IL1RL1: variants seen among roughly 807,000 people sequenced by gnomAD.
The protein encoded by IL1RL1 is interleukin-1 receptor-like 1.
In IL1RL1, 32 loss-of-function variants were observed where a neutral mutation model predicts 50.9. The observed-to-expected ratio is 0.63, with a 90% CI of 0.47 to 0.84. IL1RL1 has a LOEUF of 0.84. Among genes scored for constraint, IL1RL1 ranks in the 40% least tolerant of loss-of-function variants. The pLI, the probability that IL1RL1 is intolerant of heterozygous loss-of-function variation, is 0.00. For missense variants in IL1RL1, 773 were observed against 662.9 expected (o/e 1.17, Z -1.82); for synonymous variants, 275 against 236.0 (o/e 1.17, Z -1.51).
intron 5 of IL1RL1, chr2:102,341,307 G>A: frequency 8.0e-7 from 1 of 1,245,422 alleles, no homozygotes; most frequent in Non-Finnish European, 1.0e-6. Context: ...ATGTTGTCGA[G>A]TGGTTTTTAA....
intron 8 of IL1RL1, 35 bp from the exon 9 acceptor site, chr2:102,347,910 G>T: frequency 8.1e-7 from 1 of 1,240,976 alleles, no homozygotes. Context: ...TCTTGTTTCA[G>T]TAGTAATAAT....
intron 1 of IL1RL1, among the ~76,000 whole-genome samples, chr2:102,332,078 A>G (rs1010664582): frequency 3.9e-5 from 6 of 152,170 alleles, no homozygotes; most frequent in Admixed American, 3.9e-4. Flanking sequence ...AGAAATAATA[A>G]TAATAATGAT....
chr2:102,336,368 A>G (rs1489999526), intron 1 of IL1RL1, among the ~76,000 whole-genome samples: 2 of 152,178 alleles, frequency 1.3e-5, no homozygotes, highest in Non-Finnish European at 2.9e-5. Context: ...AGGAATTAAT[A>G]CATGTAAATC....
intron 1 of IL1RL1, among the ~76,000 whole-genome samples, chr2:102,334,555 T>C (rs1677259787): frequency 6.6e-6 from 1 of 151,264 alleles, no homozygotes; most frequent in Non-Finnish European, 1.5e-5. Flanking sequence ...AAAAACAGAA[T>C]AAAAATGATA....
At chr2:102,330,252 A>T (rs1337238602) in intron 1 of IL1RL1, among the ~76,000 whole-genome samples, 3 of 151,798 alleles carry the variant, frequency 2.0e-5, no homozygotes, top group Non-Finnish European at 2.9e-5. Flanking sequence ...AAAAAACCGA[A>T]CACCACATGT....
At chr2:102,323,920 T>C (rs1007628363) in intron 1 of IL1RL1, among the ~76,000 whole-genome samples, 1 of 152,136 alleles carries the variant, frequency 6.6e-6, no homozygotes, top group East Asian at 1.9e-4. Context: ...GGCCTTGCAG[T>C]TTGGGAACAT....
intron 1 of IL1RL1, among the ~76,000 whole-genome samples, chr2:102,315,597 G>C (rs187226240): frequency 6.6e-5 from 10 of 152,164 alleles, no homozygotes; most frequent in Admixed American, 3.9e-4. Context: ...GCAAAACCTT[G>C]TCTGATTTGG....
chr2:102,323,082 C>T (rs1196904316), intron 1 of IL1RL1, among the ~76,000 whole-genome samples: 3 of 151,730 alleles, frequency 2.0e-5, no homozygotes, highest in Non-Finnish European at 4.4e-5. Flanking sequence ...AGGATCCATT[C>T]TCCTGTTGAT....
chr2:102,327,288 G>A (rs550157762), intron 1 of IL1RL1, among the ~76,000 whole-genome samples: 13 of 152,020 alleles, frequency 8.6e-5, no homozygotes, highest in African/African-American at 3.1e-4. Context: ...CAGAAATAAA[G>A]ATGTTCTTTG....
chr2:102,311,995 TA>T lies in IL1RL1; in HGVS notation c.-150+374del, dbSNP rs1198086159. 3.6e-3 allele frequency among the ~76,000 whole-genome samples: 118 copies of T among 32,382 alleles called. 1 individual carries two copies. Among genetic ancestry groups the T allele is most frequent in the East Asian group, 0.016 (25 of 1,550 alleles). 21.2% of individuals were successfully genotyped at this position (32,382 alleles called of 152,430 possible). A position where few individuals can be genotyped will look rare whatever the true frequency, so the allele number is the denominator to read the frequency against. On this transcript the variant is annotated intron_variant, in intron 1 of 10. Coordinates refer to ENST00000233954, the MANE Select transcript of IL1RL1 (RefSeq NM_016232.5). ...TATTATATATAATATATATTATATA[TA>T]ATATATTTATATATATTATATATAA...
chr2:102,334,244 T>C (rs1677249783), intron 1 of IL1RL1, among the ~76,000 whole-genome samples: 1 of 152,184 alleles, frequency 6.6e-6, no homozygotes, highest in Non-Finnish European at 1.5e-5. Flanking sequence ...TGCCAACATC[T>C]GCTGTTTTTT....
In IL1RL1 at chr2:102,333,083, C is replaced by T. The variant is rs537423059; in HGVS notation, c.-149-5033C>T. Among the ~76,000 whole-genome samples the T allele has an allele frequency of 7.9e-5, 12 of 152,230 alleles. No individual in the cohort carries two copies. The South Asian group carries it at 2.3e-3, about 29-fold the overall frequency. ...TGTTCCATCGTGTGGTACCTCCCAG[C>T]TTCTGTAAAGACGTTGGCTTTTCCT... On this transcript the variant is annotated intron_variant, in intron 1 of 10. Transcript: ENST00000233954.
chr2:102,320,303 T>G (rs1419518138), intron 1 of IL1RL1, among the ~76,000 whole-genome samples: 1 of 152,176 alleles, frequency 6.6e-6, no homozygotes, highest in Admixed American at 6.5e-5. Context: ...CAGTGTTGTA[T>G]GCAGAGATCC....
At chr2:102,315,569 T>C (rs1676652767) in intron 1 of IL1RL1, among the ~76,000 whole-genome samples, 1 of 152,224 alleles carries the variant, frequency 6.6e-6, no homozygotes, top group African/African-American at 2.4e-5. Context: ...AATTCCCTCA[T>C]CATTTTTCTC....
intron 1 of IL1RL1, among the ~76,000 whole-genome samples, chr2:102,315,366 C>T (rs13020553): frequency 1.3e-5 from 2 of 152,154 alleles, no homozygotes; most frequent in South Asian, 4.2e-4. Context: ...ATATCATGTA[C>T]CTTTTGCTGC....
rs1291812979 is a variant in IL1RL1, at chr2:102,343,178, G to A, written c.824+1G>A. The stretch of plus-strand genomic sequence containing the variant: ...AACAAGAGGAAGGGCAAAATCAAAG[G>A]TATTTTTATATTGAAGAGAACCATC... On this transcript the variant is annotated splice_donor_variant, in intron 7 of 10. Transcript: ENST00000233954. LOFTEE classifies it high-confidence loss of function. The A allele has an allele frequency of 6.2e-7, 1 of 1,613,928 alleles. No individual in the cohort carries two copies. The highest frequency in any genetic ancestry group is 1.3e-5 in the African/African-American group (1 of 74,888).
In IL1RL1 at chr2:102,339,064, T is replaced by G. The variant is rs75258881; in HGVS notation, c.272+17T>G. 1.3e-6 allele frequency: 2 copies of G among 1,527,852 alleles called. No individual in the cohort carries two copies. Among genetic ancestry groups the G allele is most frequent in the African/African-American group, 2.2e-5 (1 of 45,098 alleles). 94.6% of individuals were successfully genotyped at this position (1,527,852 alleles called of 1,614,324 possible). ...TGTCAGAAGGTATTATGCAGAAGGC[T>G]CCCATCTTCTTTCACCCTGCTCCCC... On this transcript the variant is annotated intron_variant, in intron 3 of 10. Coordinates refer to ENST00000233954, the MANE Select transcript of IL1RL1 (RefSeq NM_016232.5).
chr2:102,351,793 G>T lies in IL1RL1; in HGVS notation c.1543G>T (p.Asp515Tyr). The T allele has an allele frequency of 1.2e-6, 2 of 1,614,042 alleles. No individual in the cohort carries two copies. The highest frequency in any genetic ancestry group is 1.7e-6 in the Non-Finnish European group (2 of 1,179,988). The change falls in exon 11 of 11, where the codon GAC (aspartate) becomes TAC (tyrosine). Residue 515 changes from aspartate (D) to tyrosine (Y), a missense_variant. By Grantham distance (160) the Asp-to-Tyr change is radical. Coordinates refer to ENST00000233954, the MANE Select transcript of IL1RL1 (RefSeq NM_016232.5). ...ACAGGGGACCATCAAGTGGAGGGAG[G>T]ACCACATTGCCAATAAAAGGTCCCT... Reference protein sequence around the residue: ...KVQGTIKWREDHIANKRSLNS... With the variant: ...KVQGTIKWREYHIANKRSLNS...
At chr2:102,349,649 A>C (rs1677878391) in intron 10 of IL1RL1, among the ~76,000 whole-genome samples, 1 of 152,192 alleles carries the variant, frequency 6.6e-6, no homozygotes, top group Non-Finnish European at 1.5e-5. Flanking sequence ...AATACCTTAA[A>C]AGTACTCAGA....
Sources: gnomAD v4.1 joint callset for allele counts (sites outside exome capture counted in the v4.1 genomes callset) on GRCh38, gnomAD v4.1.1 for gene constraint, MANE v1.5 for transcripts, NCBI Gene and HGNC (gene_info 2026-07-23, HGNC 2026-07-21) for gene names.